Variants in ATF6 observed in about 807,000 individuals in gnomAD.
ATF6 encodes the protein cyclic AMP-dependent transcription factor ATF-6 alpha.
ATF6 carries 53 observed loss-of-function variants against 83.6 expected under a neutral mutation model. That is an observed-to-expected ratio of 0.63 (90% CI 0.51 to 0.80). The LOEUF (loss-of-function observed/expected upper bound fraction) is 0.80, where lower values mean the gene tolerates loss of function less well. Among genes scored for constraint, ATF6 ranks in the 30% least tolerant of loss-of-function variants. ATF6 has a pLI of 0.00. For missense variants in ATF6, 744 were observed against 797.9 expected (o/e 0.93, Z 0.81); for synonymous variants, 288 against 285.8 (o/e 1.01, Z -0.08).
At chr1:161,782,100 G>C in intron 3 of ATF6, 101 bp downstream of exon 3, 1 of 737,964 alleles carries the variant, frequency 1.4e-6, no homozygotes. Context: ...TATTCTGGTA[G>C]GTTAAAAGAT....
intron 14 of ATF6, among the ~76,000 whole-genome samples, chr1:161,875,629 G>A (rs1687200201): frequency 6.6e-6 from 1 of 151,826 alleles, no homozygotes; most frequent in Non-Finnish European, 1.5e-5. Context: ...TTTCCTTGAA[G>A]TGGTAGATTC....
At chr1:161,800,274 A>G (rs1429630517) in intron 6 of ATF6, among the ~76,000 whole-genome samples, 1 of 152,236 alleles carries the variant, frequency 6.6e-6, no homozygotes, top group Non-Finnish European at 1.5e-5. Flanking sequence ...GACAGAACCC[A>G]AGTCTAACAT....
intron 5 of ATF6, 103 bp downstream of exon 5, chr1:161,791,640 G>C: frequency 1.5e-6 from 2 of 1,338,428 alleles, no homozygotes; most frequent in South Asian, 3.0e-5. Flanking sequence ...TATTAGGCTG[G>C]CTTGCTGTTT....
rs746555069 is a variant in ATF6 at position 161,851,751 on chromosome 1, C to A, written c.1349C>A (p.Ala450Asp). The change falls in exon 11 of 16, where the codon GCC becomes GAC. Residue 450 changes from alanine (A) to aspartate (D), a missense_variant. Ala to Asp is a moderately radical substitution (Grantham distance 126). Coordinates refer to ENST00000367942, the MANE Select transcript of ATF6 (RefSeq NM_007348.4). ...GATCATTCTGTTTCAAATGACAAAGCCCTGATGGTGCTAACTGAAGAACCA... is the reference window on the plus strand; with the variant it reads ...GATCATTCTGTTTCAAATGACAAAGACCTGATGGTGCTAACTGAAGAACCA... The part of the protein sequence containing the change: ...RYDHSVSNDK[A>D]LMVLTEEPLL... The A allele has an allele frequency of 6.2e-7, 1 of 1,613,692 alleles. No homozygotes were observed. The highest frequency in any genetic ancestry group is 1.1e-5 in the South Asian group (1 of 91,038).
intron 9 of ATF6, among the ~76,000 whole-genome samples, chr1:161,836,195 A>G (rs1432850148): frequency 6.6e-6 from 1 of 152,176 alleles, no homozygotes; most frequent in Non-Finnish European, 1.5e-5. Context: ...TCAGCTTTTC[A>G]TTATTTTATA....
chr1:161,768,468 T>C (rs1446244824), intron 1 of ATF6, among the ~76,000 whole-genome samples: 1 of 152,238 alleles, frequency 6.6e-6, no homozygotes, highest in Non-Finnish European at 1.5e-5. Context: ...TTGTTGGCAA[T>C]AGAGTGAAAC....
chr1:161,850,076 C>T (rs1359130329), intron 10 of ATF6, among the ~76,000 whole-genome samples: 1 of 152,156 alleles, frequency 6.6e-6, no homozygotes, highest in Admixed American at 6.6e-5. Context: ...TGCCATAGCT[C>T]TTTCCTAATC....
intron 1 of ATF6, among the ~76,000 whole-genome samples, chr1:161,766,916 C>T (rs10917876): frequency 0.27 from 40,500 of 152,036 alleles, 9,125 homozygotes; most frequent in African/African-American, 0.62. Context: ...GCCTGATGTC[C>T]GTCTTGGCAG....
intron 5 of ATF6, among the ~76,000 whole-genome samples, chr1:161,791,892 T>G (rs1270182453): frequency 6.6e-6 from 1 of 152,196 alleles, no homozygotes; most frequent in Non-Finnish European, 1.5e-5. Flanking sequence ...CCTTTACCAG[T>G]TAGTGTGTCC....
Position 161,819,031 on chromosome 1 carries a change from G to A in ATF6, c.910-602G>A, listed in dbSNP as rs1352918324. Among the ~76,000 whole-genome samples the A allele has an allele frequency of 2.0e-5, 3 of 152,150 alleles. No individual in the cohort carries two copies. In the East Asian group the frequency reaches 5.8e-4, roughly 29 times the overall value. On this transcript the variant is annotated intron_variant, in intron 7 of 15. Transcript: ENST00000367942. Reference sequence around the variant, plus strand: ...AGGGAATAGAGAGAAAGTAATTACTGAGACACATTTTCACTGGAATAAATT... The same window carrying A: ...AGGGAATAGAGAGAAAGTAATTACTAAGACACATTTTCACTGGAATAAATT...
intron 14 of ATF6, among the ~76,000 whole-genome samples, chr1:161,899,610 TATAAA>T (rs1255914554): frequency 6.6e-6 from 1 of 152,228 alleles, no homozygotes; most frequent in Non-Finnish European, 1.5e-5. Context: ...TGGTAGTAAA[TATAAA>T]AGACAAAACA....
At chr1:161,932,081 A>T (rs1688445765) in intron 15 of ATF6, among the ~76,000 whole-genome samples, 1 of 152,178 alleles carries the variant, frequency 6.6e-6, no homozygotes, top group African/African-American at 2.4e-5. Flanking sequence ...GTGCTTTGCA[A>T]CCCTAAAATA....
At chr1:161,911,351 T>C (rs1022847343) in intron 14 of ATF6, among the ~76,000 whole-genome samples, 1 of 152,198 alleles carries the variant, frequency 6.6e-6, no homozygotes, top group Non-Finnish European at 1.5e-5. Context: ...CTGAAAACAG[T>C]AGTTAATATC....
intron 14 of ATF6, among the ~76,000 whole-genome samples, chr1:161,884,469 T>C (rs1687379678): frequency 6.6e-6 from 1 of 152,148 alleles, no homozygotes; most frequent in African/African-American, 2.4e-5. Context: ...CCAAAACAAC[T>C]TTATTCATAC....
rs1204136436 is a variant in ATF6 at position 161,962,178 on chromosome 1, A to G, written c.*3524A>G. The G allele has an allele frequency of 6.6e-6, 1 of 151,998 alleles. No individual in the cohort carries two copies. Among genetic ancestry groups the G allele is most frequent in the Non-Finnish European group, 1.5e-5 (1 of 68,012 alleles). 9.4% of individuals were successfully genotyped at this position (151,998 alleles called of 1,614,324 possible). On this transcript the variant is annotated 3_prime_UTR_variant, in exon 16 of 16. Coordinates refer to ENST00000367942, the MANE Select transcript of ATF6 (RefSeq NM_007348.4). ...AGCACAAAACTGGCATTTCTTTGCCATTTCTTGCCAGTAAGAAGTTGACAC... is the reference window on the plus strand; with the variant it reads ...AGCACAAAACTGGCATTTCTTTGCCGTTTCTTGCCAGTAAGAAGTTGACAC...
chr1:161,780,068 C>T (rs1322726821), intron 2 of ATF6, among the ~76,000 whole-genome samples: 3 of 151,732 alleles, frequency 2.0e-5, no homozygotes, highest in African/African-American at 7.3e-5. Flanking sequence ...TGTGAAGATC[C>T]AAATAAGAGA....
At chr1:161,848,602 A>G (rs1686537183) in intron 10 of ATF6, among the ~76,000 whole-genome samples, 1 of 152,168 alleles carries the variant, frequency 6.6e-6, no homozygotes, top group African/African-American at 2.4e-5. Context: ...AAGGAAAGGT[A>G]GTGCTAGTAA....
At chr1:161,876,507 G>A (rs143686516) in intron 14 of ATF6, among the ~76,000 whole-genome samples, 338 of 152,056 alleles carry the variant, frequency 2.2e-3, no homozygotes, top group African/African-American at 7.8e-3. Flanking sequence ...ATGATAAGCT[G>A]TAATAGAATT....
At chr1:161,896,348 C>T (rs1420398881) in intron 14 of ATF6, among the ~76,000 whole-genome samples, 4 of 152,190 alleles carry the variant, frequency 2.6e-5, no homozygotes, top group African/African-American at 7.2e-5. Context: ...CTGCCTGCCT[C>T]GGCCTCCCAA....
Sources: allele counts gnomAD v4.1 joint callset (sites outside exome capture counted in the v4.1 genomes callset), GRCh38; gene constraint gnomAD v4.1.1; transcripts MANE v1.5; gene names NCBI Gene and HGNC (gene_info 2026-07-23, HGNC 2026-07-21).